The following CHODL variants were observed in gnomAD, a reference collection of about 807,000 sequenced individuals.
The protein encoded by CHODL is chondrolectin, also known as transmembrane protein MT75.
A neutral mutation model predicts 34.5 loss-of-function variants in CHODL; 29 were observed. That is an observed-to-expected ratio of 0.84 (90% CI 0.63 to 1.15). The LOEUF (loss-of-function observed/expected upper bound fraction) is 1.15. Ranked by LOEUF, CHODL falls within the 50% of genes most tolerant of loss-of-function variation. The pLI is 0.00. For missense variants in CHODL, 332 were observed against 332.5 expected, an observed-to-expected ratio of 1.00 and a Z score of 0.01; for synonymous variants, 125 against 116.1, an observed-to-expected ratio of 1.08 and a Z score of -0.49.
At chr21:18,055,055 C>A (rs957814159) in intron 2 of CHODL, among the ~76,000 whole-genome samples, 3 of 151,900 alleles carry the variant, frequency 2.0e-5, no homozygotes, top group South Asian at 2.1e-4. Context: ...CAGTTTAGAT[C>A]CTAAAATCTA....
At chr21:18,074,484 C>T (rs190198651) in intron 2 of CHODL, among the ~76,000 whole-genome samples, 347 of 152,238 alleles carry the variant, frequency 2.3e-3, no homozygotes, top group Non-Finnish European at 3.3e-3. Flanking sequence ...TAATAACATA[C>T]ATATCGAGAC....
At chr21:18,169,492 G>T (rs73202922) in intron 2 of CHODL, among the ~76,000 whole-genome samples, 14,850 of 151,540 alleles carry the variant, frequency 0.098, 940 homozygotes, top group South Asian at 0.17. Flanking sequence ...AGTATCTTGA[G>T]CACTGTAACT....
chr21:18,237,126 A>C lies in CHODL; in HGVS notation c.-44-19383A>C, dbSNP rs113441833. On this transcript the variant is annotated intron_variant, in intron 2 of 6. Transcript: ENST00000400127. ...GATGTGAAAATCAACCACATGTTAA[A>C]TATCAGGGTATGAACTGCACTGTTC... 3.9e-3 allele frequency among the ~76,000 whole-genome samples: 597 copies of C among 152,224 alleles called. 7 individuals are homozygous for C. The highest frequency in any genetic ancestry group is 0.013 in the African/African-American group (548 of 41,542).
At chr21:18,265,292 C>T (rs770870802) in intron 5 of CHODL, among the ~76,000 whole-genome samples, 13,599 of 131,774 alleles carry the variant, frequency 0.1, 845 homozygotes, top group African/African-American at 0.24. Flanking sequence ...TATATATACA[C>T]ACACACACAC....
At chr21:17,927,082 G>A (rs1400980893) in intron 1 of CHODL, among the ~76,000 whole-genome samples, 1 of 149,718 alleles carries the variant, frequency 6.7e-6, no homozygotes, top group Non-Finnish European at 1.5e-5. Flanking sequence ...GTATATCTGT[G>A]TGTATGTATG....
intron 2 of CHODL, among the ~76,000 whole-genome samples, chr21:18,151,559 A>G (rs965675197): frequency 6.6e-5 from 10 of 152,178 alleles, no homozygotes; most frequent in Non-Finnish European, 7.3e-5. Flanking sequence ...CAATTTAATC[A>G]AATCCAAAAA....
chr21:17,990,250 C>G, intron 1 of CHODL, among the ~76,000 whole-genome samples: 1 of 152,030 alleles, frequency 6.6e-6, no homozygotes. Flanking sequence ...TTGCTTTTCT[C>G]TCCTCTGAGT....
At chr21:18,010,162 G>A (rs1306329778) in intron 1 of CHODL, among the ~76,000 whole-genome samples, 7 of 145,514 alleles carry the variant, frequency 4.8e-5, no homozygotes, top group Non-Finnish European at 9.1e-5. Flanking sequence ...GCCGGGCGTG[G>A]TGGCGGGCCC....
chr21:17,939,831 G>A (rs1718974368), intron 1 of CHODL, among the ~76,000 whole-genome samples: 1 of 152,154 alleles, frequency 6.6e-6, no homozygotes, highest in Non-Finnish European at 1.5e-5. Flanking sequence ...TTCTTCTGAA[G>A]TAGAATTCCG....
rs140202825 is a variant in CHODL at position 17,933,181 on chromosome 21, C to T, written c.-145+15781C>T. On this transcript the variant is annotated intron_variant, in intron 1 of 6. Coordinates refer to the CHODL transcript ENST00000400127. The stretch of plus-strand genomic sequence containing the variant: ...ACTGAGACATTCCATTGCCCAGGGA[C>T]GGGCAGGAGACAGATGCCTTCCTCT... Among the ~76,000 whole-genome samples, 1,156 of 152,270 alleles carry T rather than the reference C, an allele frequency of 7.6e-3. 19 individuals carry two copies. The highest frequency in any genetic ancestry group is 0.026 in the African/African-American group (1,073 of 41,546).
At chr21:18,203,435 C>T (rs1014541852) in intron 2 of CHODL, among the ~76,000 whole-genome samples, 1 of 152,102 alleles carries the variant, frequency 6.6e-6, no homozygotes, top group African/African-American at 2.4e-5. Context: ...AACACTGTTT[C>T]TTCTAAGTTG....
At chr21:18,184,455 G>T (rs1171334318) in intron 2 of CHODL, among the ~76,000 whole-genome samples, 2 of 152,144 alleles carry the variant, frequency 1.3e-5, no homozygotes. Context: ...ATTAAATGAT[G>T]ATAGGAATAA....
At chr21:18,005,593 T>C (rs1264601001) in intron 1 of CHODL, among the ~76,000 whole-genome samples, 1 of 152,238 alleles carries the variant, frequency 6.6e-6, no homozygotes, top group African/African-American at 2.4e-5. Flanking sequence ...GCAAATGACG[T>C]GACATTCTCA....
intron 2 of CHODL, among the ~76,000 whole-genome samples, chr21:18,151,988 C>CTGTGTGTGTGTGTGTG (rs71941239): frequency 6.8e-6 from 1 of 146,508 alleles, no homozygotes; most frequent in African/African-American, 2.5e-5. Flanking sequence ...GTATATAACT[C>CTGTGTGTGTGTGTGTG]TGTGTGTGTG....
At chr21:18,001,132 T>A (rs745935918) in intron 1 of CHODL, among the ~76,000 whole-genome samples, 1 of 152,180 alleles carries the variant, frequency 6.6e-6, no homozygotes, top group Non-Finnish European at 1.5e-5. Context: ...GGGATGTGGG[T>A]GTGGAACCAC....
chr21:18,176,613 A>G (rs1223124372), intron 2 of CHODL, among the ~76,000 whole-genome samples: 2 of 152,094 alleles, frequency 1.3e-5, no homozygotes, highest in Non-Finnish European at 2.9e-5. Flanking sequence ...AATGCTATCT[A>G]TTGTCCTTGA....
intron 1 of CHODL, among the ~76,000 whole-genome samples, chr21:17,979,171 A>G (rs1431774173): frequency 6.6e-6 from 1 of 152,186 alleles, no homozygotes; most frequent in African/African-American, 2.4e-5. Context: ...GCATATTCTT[A>G]AATTTCAGAG....
At chr21:18,135,096 C>T (rs7279375) in intron 2 of CHODL, among the ~76,000 whole-genome samples, 17,067 of 152,122 alleles carry the variant, frequency 0.11, 1,072 homozygotes, top group Middle Eastern at 0.2. Context: ...CTACACTTAC[C>T]GTAAGTAAAT....
intron 1 of CHODL, among the ~76,000 whole-genome samples, chr21:17,993,442 T>A (rs927640186): frequency 2.6e-5 from 4 of 152,186 alleles, no homozygotes; most frequent in Non-Finnish European, 5.9e-5. Flanking sequence ...ATCAATTAGC[T>A]CTCACTTGTA....
Sources: allele counts gnomAD v4.1 joint callset (sites outside exome capture counted in the v4.1 genomes callset), GRCh38; gene constraint gnomAD v4.1.1; transcripts MANE v1.5; gene names NCBI Gene and HGNC (gene_info 2026-07-23, HGNC 2026-07-21).